Variants in ZNF678 observed in about 807,000 individuals in gnomAD.
ZNF678 encodes zinc finger protein 678, also known as hypothetical protein MGC42493.
In ZNF678, 5 loss-of-function variants were observed where a neutral mutation model predicts 3.0. The ratio of observed to expected loss-of-function variants is 1.69; its 90% CI spans 0.88 to 3.56. The LOEUF is 3.56. ZNF678 is among the 30% of genes most tolerant of loss of function. The probability of loss-of-function intolerance (pLI) is 0.00; values close to 1 mark genes in which losing one functional copy is unlikely to be tolerated. For synonymous variants in ZNF678, 218 were observed against 199.6 expected, an observed-to-expected ratio of 1.09 and a Z score of -0.78; for missense variants, 593 against 605.0, an observed-to-expected ratio of 0.98 and a Z score of 0.21.
In ZNF678 at chr1:227,618,468, C is replaced by T. The variant is rs151294984; in HGVS notation, c.-163-28076C>T. ...GCTTGTCTGTCATTTAATTCTGAGA[C>T]CTCAAGCTTTCATCTTATTTTCTCC... On this transcript the variant is annotated intron_variant, in intron 1 of 3. Coordinates refer to ENST00000343776, the MANE Select transcript of ZNF678 (RefSeq NM_001367909.1). Among the ~76,000 whole-genome samples the T allele has an allele frequency of 5.3e-4, 81 of 152,288 alleles. No homozygotes were observed. In the East Asian group the frequency reaches 0.012, roughly 23 times the overall value.
At chr1:227,564,860 T>A (rs1235697401) in intron 1 of ZNF678, among the ~76,000 whole-genome samples, 1 of 151,476 alleles carries the variant, frequency 6.6e-6, no homozygotes, top group Non-Finnish European at 1.5e-5. Flanking sequence ...GCCTCCTGAG[T>A]AGCTGGGATT....
intron 1 of ZNF678, among the ~76,000 whole-genome samples, chr1:227,622,569 A>G (rs1658306262): frequency 1.3e-5 from 2 of 152,238 alleles, no homozygotes; most frequent in Non-Finnish European, 1.5e-5. Context: ...TTTCATCAAC[A>G]GGAGGCATAC....
At chr1:227,630,516 A>G (rs1191769232) in intron 1 of ZNF678, among the ~76,000 whole-genome samples, 1 of 152,242 alleles carries the variant, frequency 6.6e-6, no homozygotes, top group Admixed American at 6.5e-5. Flanking sequence ...CAATAACATT[A>G]TATCTCTCCA....
chr1:227,669,959 G>C (rs144882570), intron 5 of ZNF678, among the ~76,000 whole-genome samples: 1 of 152,122 alleles, frequency 6.6e-6, no homozygotes, highest in Non-Finnish European at 1.5e-5. Flanking sequence ...CTAGGTGCCC[G>C]ACAATGCTGG....
In ZNF678 at chr1:227,660,406, A is replaced by G. The variant is rs1302148288; in HGVS notation, c.*4578A>G. On this transcript the variant is annotated 3_prime_UTR_variant, in exon 4 of 4. Transcript: ENST00000343776. ...TTTTCATTTATTTATGTTTAATTTT[A>G]TACCTCAGTTTTCTTTAGCTTTTAA... The G allele has an allele frequency of 6.6e-6, 1 of 151,942 alleles. No homozygotes were observed. Among genetic ancestry groups the G allele is most frequent in the Non-Finnish European group, 1.5e-5 (1 of 67,924 alleles). The allele number at this position is 151,942 out of a possible 1,614,324, so 9.4% of individuals were successfully genotyped here. A position where few individuals can be genotyped will look rare whatever the true frequency, so the allele number is the denominator to read the frequency against.
intron 1 of ZNF678, among the ~76,000 whole-genome samples, chr1:227,576,860 G>A (rs867986079): frequency 3.3e-5 from 5 of 152,126 alleles, no homozygotes; most frequent in African/African-American, 9.7e-5. Flanking sequence ...ACTTTTTGAT[G>A]TTGGCATTTA....
chr1:227,605,046 C>T lies in ZNF678; in HGVS notation c.-164+41322C>T, dbSNP rs572487947. On this transcript the variant is annotated intron_variant, in intron 1 of 3. Transcript: ENST00000343776. ...AATTTTTTGTATTTTTAGTAGAGACCGGGTTTCACCATGTTAGCCAGGATG... is the reference window on the plus strand; with the variant it reads ...AATTTTTTGTATTTTTAGTAGAGACTGGGTTTCACCATGTTAGCCAGGATG... Among the ~76,000 whole-genome samples the T allele has an allele frequency of 9.6e-4, 146 of 151,920 alleles. No homozygotes were observed. The Middle Eastern group carries it at 0.014, about 14-fold the overall frequency.
chr1:227,667,636 G>T (rs947936446), intron 5 of ZNF678, among the ~76,000 whole-genome samples: 1 of 152,198 alleles, frequency 6.6e-6, no homozygotes, highest in Admixed American at 6.5e-5. Flanking sequence ...AAGTAAGCAA[G>T]ATCAAATATT....
intron 1 of ZNF678, among the ~76,000 whole-genome samples, chr1:227,573,313 A>G (rs1656901987): frequency 6.6e-6 from 1 of 152,256 alleles, no homozygotes; most frequent in African/African-American, 2.4e-5. Context: ...ATGTACAAAC[A>G]TAGTGCTCTC....
At chr1:227,593,381 A>T (rs370297852) in intron 1 of ZNF678, among the ~76,000 whole-genome samples, 3 of 152,228 alleles carry the variant, frequency 2.0e-5, no homozygotes, top group Non-Finnish European at 4.4e-5. Flanking sequence ...AAATGAAGGT[A>T]TGATTTTAGG....
chr1:227,589,571 G>C lies in ZNF678; in HGVS notation c.-164+25847G>C, dbSNP rs187930296. ...CTCAAGAGCCAAGCTCCCCGAGTGAGCAATTCCTGTCCCTTTTAAGGGCTC... is the reference window on the plus strand; with the variant it reads ...CTCAAGAGCCAAGCTCCCCGAGTGACCAATTCCTGTCCCTTTTAAGGGCTC... On this transcript the variant is annotated intron_variant, in intron 1 of 3. Coordinates refer to ENST00000343776, the MANE Select transcript of ZNF678 (RefSeq NM_001367909.1). 2.8e-3 allele frequency among the ~76,000 whole-genome samples: 423 copies of C among 151,790 alleles called. 18 individuals are homozygous for C. Among genetic ancestry groups the C allele is most frequent in the African/African-American group, 9.9e-3 (409 of 41,208 alleles).
At chr1:227,570,680 T>C (rs970440777) in intron 1 of ZNF678, among the ~76,000 whole-genome samples, 2 of 152,158 alleles carry the variant, frequency 1.3e-5, no homozygotes, top group Non-Finnish European at 2.9e-5. Flanking sequence ...TAGTTTTTTT[T>C]TTTTTACTGC....
intron 1 of ZNF678, among the ~76,000 whole-genome samples, chr1:227,571,572 T>C (rs1656842055): frequency 6.6e-6 from 1 of 152,256 alleles, no homozygotes; most frequent in Non-Finnish European, 1.5e-5. Flanking sequence ...CAATTTAAGT[T>C]CAACAGAGTT....
chr1:227,570,595 A>T (rs1264744424), intron 1 of ZNF678, among the ~76,000 whole-genome samples: 2 of 151,970 alleles, frequency 1.3e-5, no homozygotes, highest in East Asian at 3.9e-4. Context: ...CAGTCTTCTG[A>T]ATGGAGGGGA....
At chr1:227,646,345 A>G (rs1005323110) in intron 1 of ZNF678, among the ~76,000 whole-genome samples, 199 bp from the exon 2 acceptor site, 1 of 152,222 alleles carries the variant, frequency 6.6e-6, no homozygotes, top group Admixed American at 6.5e-5. Flanking sequence ...TATAGCATCT[A>G]CACTGGTTTT....
At chr1:227,650,179 T>C (rs1351764471) in intron 2 of ZNF678, among the ~76,000 whole-genome samples, 1 of 152,214 alleles carries the variant, frequency 6.6e-6, no homozygotes, top group Non-Finnish European at 1.5e-5. Flanking sequence ...TTGAGTTAAT[T>C]TCTTGATGTC....
chr1:227,665,875 G>C (rs1659496537), downstream of ZNF678, among the ~76,000 whole-genome samples: 1 of 152,100 alleles, frequency 6.6e-6, no homozygotes. Flanking sequence ...GGGTGTGCCT[G>C]GTCAGGTTTG....
chr1:227,573,044 G>A (rs776841609), intron 1 of ZNF678, among the ~76,000 whole-genome samples: 1 of 152,206 alleles, frequency 6.6e-6, no homozygotes, highest in Non-Finnish European at 1.5e-5. Context: ...GGTGAGGTGG[G>A]AACAGTGTGC....
chr1:227,578,408 G>C (rs907292410), intron 1 of ZNF678, among the ~76,000 whole-genome samples: 3 of 152,096 alleles, frequency 2.0e-5, no homozygotes, highest in African/African-American at 7.2e-5. Flanking sequence ...TACATAACAT[G>C]ATATATCTTG....
Sources: allele counts gnomAD v4.1 joint callset (sites outside exome capture counted in the v4.1 genomes callset), GRCh38; gene constraint gnomAD v4.1.1; transcripts MANE v1.5; gene names NCBI Gene and HGNC (gene_info 2026-07-23, HGNC 2026-07-21).